RFX6: variants seen among roughly 807,000 people sequenced by gnomAD.
RFX6 encodes DNA-binding protein RFX6.
Under a neutral mutation model 110.8 loss-of-function variants are expected in RFX6, and 50 were observed. The observed-to-expected ratio is 0.45, with a 90% confidence interval of 0.36 to 0.57. The LOEUF is 0.57. Among genes scored for constraint, RFX6 ranks in the 20% least tolerant of loss-of-function variants. RFX6 has a pLI of 0.00. For synonymous variants in RFX6, 383 were observed against 411.2 expected (o/e 0.93, Z 0.83); for missense variants, 990 against 1,127.0 (o/e 0.88, Z 1.74).
At position 116,902,716 on chromosome 6, in the gene RFX6, T is replaced by C. The variant is rs1775102198; in HGVS notation, c.672+7509T>C. On this transcript the variant is annotated intron_variant, in intron 6 of 18. Coordinates refer to ENST00000332958, the MANE Select transcript of RFX6 (RefSeq NM_173560.4). The stretch of plus-strand genomic sequence containing the variant: ...CATTTCTACCAGGAAGTTTCCTTGA[T>C]AGCCTGAGTTTTCTTCTCCTTAACA... Among the ~76,000 whole-genome samples, 4 of 152,078 alleles carry C rather than the reference T, an allele frequency of 2.6e-5. No homozygotes were observed. The South Asian group carries it at 6.2e-4, about 24-fold the overall frequency.
chr6:116,906,860 GTTT>G (rs34715737), intron 6 of RFX6, among the ~76,000 whole-genome samples: 2 of 137,170 alleles, frequency 1.5e-5, no homozygotes, highest in Non-Finnish European at 3.1e-5. Context: ...GTGTTTTTTT[GTTT>G]TTTTTTTTTT....
At position 116,882,403 on chromosome 6, in the gene RFX6, C is replaced by A; in HGVS notation, c.541C>A (p.Arg181=). ...RQKFPLLTTR[R]LGTRGHSKYH... ...GAAGTTTCCCCTCCTAACAACAAGG[C>A]GGCTTGGAACAAGAGGCCATTCAAA... Residue 181 remains arginine (R), a synonymous_variant, in exon 4 of 19, where the codon CGG becomes AGG. Transcript: ENST00000332958. The A allele has an allele frequency of 6.2e-7, 1 of 1,612,562 alleles. No homozygotes were observed. The highest frequency in any genetic ancestry group is 8.5e-7 in the Non-Finnish European group (1 of 1,178,814).
At chr6:116,877,555 G>T (rs1774489875) in intron 1 of RFX6, 57 bp downstream of exon 1, 2 of 1,311,036 alleles carry the variant, frequency 1.5e-6, no homozygotes, top group South Asian at 2.8e-5. Context: ...TTCTAAGAAG[G>T]GCACCCAATA....
Position 116,911,025 on chromosome 6 carries a change from T to G in RFX6, c.763T>G (p.Cys255Gly). Residue 255 changes from cysteine (C) to glycine (G), a missense_variant, in exon 7 of 19, where the codon TGC becomes GGC. Coordinates refer to ENST00000332958, the MANE Select transcript of RFX6 (RefSeq NM_173560.4). ...PSAQHLVYQG[C>G]ISKDKVDTLI... Reference sequence around the variant, plus strand: ...CGCTCAACACCTTGTATACCAAGGATGCATTTCTAAGGACAAGGTATCAAT... The same window carrying G: ...CGCTCAACACCTTGTATACCAAGGAGGCATTTCTAAGGACAAGGTATCAAT... The G allele has an allele frequency of 6.2e-7, 1 of 1,607,842 alleles. No individual in the cohort carries two copies. The highest frequency in any genetic ancestry group is 8.5e-7 in the Non-Finnish European group (1 of 1,174,334).
chr6:116,915,339 C>G (rs1035574504), intron 7 of RFX6, among the ~76,000 whole-genome samples: 1 of 152,104 alleles, frequency 6.6e-6, no homozygotes, highest in African/African-American at 2.4e-5. Flanking sequence ...TTAGTAAGGT[C>G]TTACTGGGTG....
At chr6:116,889,629 G>A (rs1354521941) in intron 4 of RFX6, among the ~76,000 whole-genome samples, 3 of 152,072 alleles carry the variant, frequency 2.0e-5, no homozygotes, top group Non-Finnish European at 4.4e-5. Context: ...TACCACCGTG[G>A]CTATGGCAAG....
At chr6:116,892,579 G>A (rs2114671542) in intron 4 of RFX6, among the ~76,000 whole-genome samples, 1 of 152,304 alleles carries the variant, frequency 6.6e-6, no homozygotes, top group South Asian at 2.1e-4. Context: ...TGGATGTGCA[G>A]TCCAGTTCCC....
At chr6:116,907,574 G>A (rs1298724047) in intron 6 of RFX6, among the ~76,000 whole-genome samples, 1 of 152,056 alleles carries the variant, frequency 6.6e-6, no homozygotes, top group East Asian at 1.9e-4. Flanking sequence ...TTCATCCCAT[G>A]TTGGTTGAAG....
intron 6 of RFX6, among the ~76,000 whole-genome samples, chr6:116,901,896 C>T (rs920492996): frequency 6.6e-6 from 1 of 151,822 alleles, no homozygotes; most frequent in Non-Finnish European, 1.5e-5. Context: ...ATGTTCACTG[C>T]GACATGGTTT....
intron 6 of RFX6, among the ~76,000 whole-genome samples, chr6:116,907,774 T>C (rs1775238616): frequency 6.6e-6 from 1 of 152,088 alleles, no homozygotes; most frequent in Admixed American, 6.5e-5. Flanking sequence ...TCCTCTATAC[T>C]CTTACTTAAC....
chr6:116,910,361 C>T (rs190072951), intron 6 of RFX6, among the ~76,000 whole-genome samples: 2 of 152,236 alleles, frequency 1.3e-5, no homozygotes, highest in East Asian at 3.9e-4. Context: ...AGTATGCTTT[C>T]TCCAAGAGAT....
At position 116,931,521 on chromosome 6, in the gene RFX6, A is replaced by G. The variant is rs761666971; in HGVS notation, c.*15A>G. On this transcript the variant is annotated 3_prime_UTR_variant, in exon 19 of 19. Coordinates refer to ENST00000332958, the MANE Select transcript of RFX6 (RefSeq NM_173560.4). Reference sequence around the variant, plus strand: ...GAGGCACTTAAACCACCAATGTGGGAGGGGGTGCTAAAACTTTAAAAAAAA... The same window carrying G: ...GAGGCACTTAAACCACCAATGTGGGGGGGGGTGCTAAAACTTTAAAAAAAA... 9.8e-5 allele frequency: 156 copies of G among 1,597,410 alleles called. No homozygotes were observed. The highest frequency in any genetic ancestry group is 1.3e-4 in the Non-Finnish European group (151 of 1,166,484).
intron 2 of RFX6, among the ~76,000 whole-genome samples, chr6:116,878,317 C>A (rs1392906261): frequency 6.6e-6 from 1 of 151,992 alleles, no homozygotes; most frequent in African/African-American, 2.4e-5. Flanking sequence ...AAATATGATT[C>A]TTAAAAACAA....
intron 4 of RFX6, among the ~76,000 whole-genome samples, chr6:116,888,756 A>G (rs1280019427): frequency 1.3e-5 from 2 of 152,176 alleles, no homozygotes; most frequent in Non-Finnish European, 2.9e-5. Context: ...GTTATATTAC[A>G]GTATGCATGG....
intron 14 of RFX6, 58 bp downstream of exon 14, chr6:116,923,282 T>C (rs1314782566): frequency 6.4e-5 from 54 of 849,268 alleles, no homozygotes; most frequent in Non-Finnish European, 1.2e-5. Flanking sequence ...TGTTCCTCAG[T>C]CACAGTTCCT....
At chr6:116,924,587 A>C in intron 14 of RFX6, 82 bp from the exon 15 acceptor site, 4 of 1,187,664 alleles carry the variant, frequency 3.4e-6, no homozygotes, top group Non-Finnish European at 3.8e-6. Flanking sequence ...AAGATAACTG[A>C]CTTCTCTTTC....
At chr6:116,895,412 A>C (rs932390173) in intron 6 of RFX6, among the ~76,000 whole-genome samples, 3 of 152,178 alleles carry the variant, frequency 2.0e-5, no homozygotes, top group Non-Finnish European at 4.4e-5. Flanking sequence ...CTTTCAGTTA[A>C]CCTAGGAGAG....
At position 116,915,903 on chromosome 6, in the gene RFX6, CTTGGTACGTAAT is replaced by C. The variant is rs769987843; in HGVS notation, c.781-104_781-93del. 1.7e-4 allele frequency: 141 copies of C among 834,352 alleles called. 1 individual carries two copies. In the South Asian group the frequency reaches 1.8e-3, roughly 11 times the overall value. 51.7% of individuals were successfully genotyped at this position (834,352 alleles called of 1,614,324 possible). A position where few individuals can be genotyped will look rare whatever the true frequency, so the allele number is the denominator to read the frequency against. On this transcript the variant is annotated intron_variant, in intron 7 of 18. Transcript: ENST00000332958. ...TGAGTCCTCAACATTGAGCATACTG[CTTGGTACGTAAT>C]AGGATCTTTTAAAAAATCTGTGTTG...
At position 116,916,238 on chromosome 6, in the gene RFX6, C is replaced by T; in HGVS notation, c.896C>T (p.Pro299Leu). The stretch of plus-strand genomic sequence containing the variant: ...TTATTACACTTTTGGCAAGGAATGC[C>T]TGACCATCTCCTTCCCCTGCTCGAA... ...HFLLHFWQGM[P>L]DHLLPLLENP... Residue 299 changes from proline to leucine, a missense_variant, in exon 9 of 19, where the codon CCT becomes CTT. Pro to Leu is a moderately conservative substitution (Grantham distance 98). Coordinates refer to ENST00000332958, the MANE Select transcript of RFX6 (RefSeq NM_173560.4). 6.2e-7 allele frequency: 1 copy of T among 1,612,590 alleles called. No homozygotes were observed. Among genetic ancestry groups the T allele is most frequent in the Non-Finnish European group, 8.5e-7 (1 of 1,179,260 alleles).
Sources: allele counts gnomAD v4.1 joint callset (sites outside exome capture counted in the v4.1 genomes callset), GRCh38; gene constraint gnomAD v4.1.1; transcripts MANE v1.5; gene names NCBI Gene and HGNC (gene_info 2026-07-23, HGNC 2026-07-21).